CRY1: variants seen among roughly 807,000 people sequenced by gnomAD.
The protein encoded by CRY1 is cryptochrome-1.
Under a neutral mutation model 76.0 loss-of-function variants are expected in CRY1, and 45 were observed. The observed-to-expected ratio is 0.59, with a 90% confidence interval of 0.47 to 0.76. CRY1 has a LOEUF of 0.76. CRY1 is among the 30% of genes least tolerant of loss of function. The pLI, the probability that CRY1 is intolerant of heterozygous loss-of-function variation, is 0.00. For missense variants in CRY1, 587 were observed against 716.4 expected (o/e 0.82, Z 2.06); for synonymous variants, 248 against 244.0 (o/e 1.02, Z -0.15).
chr12:107,020,607 G>A (rs1422622960), intron 2 of CRY1, among the ~76,000 whole-genome samples: 3 of 151,742 alleles, frequency 2.0e-5, no homozygotes, highest in Admixed American at 2.0e-4. Context: ...GCCATGTGAA[G>A]TTCTTACTTC....
In CRY1 at chr12:107,092,791, G is replaced by A. The variant is rs115835674; in HGVS notation, c.158+13C>T. The A allele has an allele frequency of 2.6e-3, 4,252 of 1,611,156 alleles. 111 individuals are homozygous for A. In the African/African-American group the frequency reaches 0.051, roughly 19 times the overall value. ...AAACACCCAAATCCATTTCCCACGGGCTTGTGACTCACCGCCACCTGTTGA... is the reference window on the plus strand; with the variant it reads ...AAACACCCAAATCCATTTCCCACGGACTTGTGACTCACCGCCACCTGTTGA... On this transcript the variant is annotated intron_variant, in intron 1 of 12. Coordinates refer to ENST00000008527, the MANE Select transcript of CRY1 (RefSeq NM_004075.5).
At chr12:107,008,679 T>C (rs969344632) in intron 2 of CRY1, among the ~76,000 whole-genome samples, 7 of 152,210 alleles carry the variant, frequency 4.6e-5, no homozygotes, top group African/African-American at 1.4e-4. Flanking sequence ...GCACTTGATA[T>C]GGTTTGGCTG....
At chr12:107,053,854 C>A (rs1479110885) in intron 1 of CRY1, among the ~76,000 whole-genome samples, 1 of 151,856 alleles carries the variant, frequency 6.6e-6, no homozygotes, top group Non-Finnish European at 1.5e-5. Context: ...AAGATATTAC[C>A]CCCAAAAAAA....
chr12:107,089,861 A>G (rs1406843763), intron 1 of CRY1, among the ~76,000 whole-genome samples: 1 of 152,210 alleles, frequency 6.6e-6, no homozygotes. Context: ...TATATTCAAC[A>G]AACAATAATT....
chr12:107,051,200 G>A (rs1952915685), intron 1 of CRY1, among the ~76,000 whole-genome samples: 1 of 152,062 alleles, frequency 6.6e-6, no homozygotes, highest in Admixed American at 6.6e-5. Flanking sequence ...TGAAAAACAT[G>A]TGTTATGTAG....
intron 1 of CRY1, among the ~76,000 whole-genome samples, chr12:107,059,632 T>C (rs945268068): frequency 1.3e-5 from 2 of 151,730 alleles, no homozygotes; most frequent in Admixed American, 1.3e-4. Flanking sequence ...TAAATAGTTC[T>C]CCAATTTAGA....
At chr12:107,015,627 T>C (rs1249494815) in intron 2 of CRY1, among the ~76,000 whole-genome samples, 1 of 152,224 alleles carries the variant, frequency 6.6e-6, no homozygotes, top group African/African-American at 2.4e-5. Context: ...AATACCTAGA[T>C]TTAACAGTAA....
chr12:107,048,939 T>C (rs769844640), intron 1 of CRY1, among the ~76,000 whole-genome samples: 1 of 152,238 alleles, frequency 6.6e-6, no homozygotes, highest in Non-Finnish European at 1.5e-5. Context: ...AATGCCTGGT[T>C]ATTTTTTACC....
chr12:107,078,717 C>A (rs750115940), intron 1 of CRY1, among the ~76,000 whole-genome samples: 1 of 152,140 alleles, frequency 6.6e-6, no homozygotes, highest in Non-Finnish European at 1.5e-5. Flanking sequence ...TGGTCAACAA[C>A]CTAAACTCAC....
At chr12:107,039,441 T>C (rs999789524) in intron 1 of CRY1, among the ~76,000 whole-genome samples, 1 of 152,162 alleles carries the variant, frequency 6.6e-6, no homozygotes, top group East Asian at 1.9e-4. Context: ...AAGGAGTAAA[T>C]TTCCAAAATA....
chr12:107,026,185 T>TTAC (rs1952614140), intron 1 of CRY1, among the ~76,000 whole-genome samples: 1 of 141,302 alleles, frequency 7.1e-6, no homozygotes, highest in Non-Finnish European at 1.5e-5. Flanking sequence ...TACATATATA[T>TTAC]ATAAAATAAA....
chr12:107,081,250 AT>A (rs528389192), intron 1 of CRY1, among the ~76,000 whole-genome samples: 20 of 152,076 alleles, frequency 1.3e-4, no homozygotes, highest in African/African-American at 4.3e-4. Context: ...TTCATTGAGA[AT>A]TTTTTTTAAG....
At chr12:107,057,993 C>CTGTA (rs897462761) in intron 1 of CRY1, among the ~76,000 whole-genome samples, 4 of 151,676 alleles carry the variant, frequency 2.6e-5, no homozygotes, top group African/African-American at 9.7e-5. Context: ...GAGTTTGAGG[C>CTGTA]TGTAGTAAGC....
intron 1 of CRY1, among the ~76,000 whole-genome samples, chr12:107,048,940 A>AT (rs544190943): frequency 3.7e-4 from 56 of 152,096 alleles, no homozygotes; most frequent in African/African-American, 1.3e-3. Flanking sequence ...ATGCCTGGTT[A>AT]TTTTTTACCG....
intron 1 of CRY1, among the ~76,000 whole-genome samples, chr12:107,057,562 C>G (rs924945190): frequency 6.6e-6 from 1 of 152,004 alleles, no homozygotes; most frequent in Non-Finnish European, 1.5e-5. Context: ...CAAACAAAAG[C>G]CTTTAAGAAA....
At chr12:107,009,145 C>T (rs1952408323) in intron 2 of CRY1, among the ~76,000 whole-genome samples, 1 of 152,048 alleles carries the variant, frequency 6.6e-6, no homozygotes, top group Non-Finnish European at 1.5e-5. Context: ...TTCTCTTTTC[C>T]TTTATCCTAT....
Position 107,091,143 on chromosome 12 carries a change from G to A in CRY1, c.158+1661C>T, listed in dbSNP as rs1002971452. ...CAACCTCCGTCTCCTAGGTTCATGC[G>A]ATTCTCGTGCCTCAGCCTCCTGAGT... On this transcript the variant is annotated intron_variant, in intron 1 of 12. Coordinates refer to ENST00000008527, the MANE Select transcript of CRY1 (RefSeq NM_004075.5). Among the ~76,000 whole-genome samples the A allele has an allele frequency of 2.6e-5, 4 of 151,868 alleles. No homozygotes were observed. The East Asian group carries it at 5.8e-4, about 22-fold the overall frequency.
At chr12:107,090,585 A>G (rs1472441030) in intron 1 of CRY1, among the ~76,000 whole-genome samples, 1 of 152,152 alleles carries the variant, frequency 6.6e-6, no homozygotes, top group Non-Finnish European at 1.5e-5. Flanking sequence ...TCACGGCTCC[A>G]CTAGAATGTA....
intron 2 of CRY1, among the ~76,000 whole-genome samples, chr12:107,006,802 C>A (rs1293787747): frequency 6.6e-6 from 1 of 152,084 alleles, no homozygotes; most frequent in Non-Finnish European, 1.5e-5. Context: ...AAGGCACATA[C>A]CACCACAACT....
Sources: allele counts gnomAD v4.1 joint callset (sites outside exome capture counted in the v4.1 genomes callset), GRCh38; gene constraint gnomAD v4.1.1; transcripts MANE v1.5; gene names NCBI Gene and HGNC (gene_info 2026-07-23, HGNC 2026-07-21).